The following SLIT1 variants were observed in gnomAD, a reference collection of about 807,000 sequenced individuals.
SLIT1 encodes slit homolog 1 protein.
A neutral mutation model predicts 186.1 loss-of-function variants in SLIT1; 66 were observed. The ratio of observed to expected loss-of-function variants is 0.35; its 90% CI spans 0.29 to 0.44. The LOEUF (loss-of-function observed/expected upper bound fraction) is 0.44. Ranked by LOEUF, SLIT1 falls within the 20% of genes least tolerant of loss-of-function variation. The pLI is 1.00. For synonymous variants in SLIT1, 761 were observed against 833.8 expected (o/e 0.91, Z 1.50); for missense variants, 1,638 against 2,037.4 (o/e 0.80, Z 3.77).
Position 97,002,354 on chromosome 10 carries a change from T to A in SLIT1, c.4170A>T (p.Gln1390His). 6.2e-7 allele frequency: 1 copy of A among 1,606,950 alleles called. No individual in the cohort carries two copies. Among genetic ancestry groups the A allele is most frequent in the Non-Finnish European group, 8.5e-7 (1 of 1,178,156 alleles). The change falls in exon 36 of 37, where the codon CAA (glutamine) becomes CAT (histidine). Residue 1390 changes from glutamine to histidine, a missense_variant. Gln to His is a conservative substitution (Grantham distance 24). Coordinates refer to ENST00000266058, the MANE Select transcript of SLIT1 (RefSeq NM_003061.3). ...PCHGHKCVHGQCVPLDALSYS... is the reference protein window; with the variant it reads ...PCHGHKCVHGHCVPLDALSYS... ...AGGAAAGAGCGTCGAGGGGCACGCA[T>A]TGCCCATGGACACACCTGGAGGAGA...
intron 4 of SLIT1, among the ~76,000 whole-genome samples, chr10:97,079,339 T>C (rs1320882000): frequency 6.6e-6 from 1 of 152,220 alleles, no homozygotes; most frequent in African/African-American, 2.4e-5. Context: ...GTTTTACTTT[T>C]TGATCTGGTG....
chr10:97,093,821 T>G (rs1373977893), intron 4 of SLIT1, among the ~76,000 whole-genome samples: 1 of 152,216 alleles, frequency 6.6e-6, no homozygotes, highest in Non-Finnish European at 1.5e-5. Flanking sequence ...AAACACCGTC[T>G]TGCTAAGGCA....
At chr10:97,078,294 C>T (rs1293919957) in intron 4 of SLIT1, among the ~76,000 whole-genome samples, 3 of 152,222 alleles carry the variant, frequency 2.0e-5, no homozygotes, top group East Asian at 1.9e-4. Flanking sequence ...GTCCCATCAG[C>T]TGGAGAGGTG....
intron 12 of SLIT1, among the ~76,000 whole-genome samples, 177 bp downstream of exon 12, chr10:97,057,033 C>G (rs559186128): frequency 2.0e-4 from 31 of 152,356 alleles, no homozygotes; most frequent in South Asian, 6.2e-4. Context: ...ACCTCCTTCT[C>G]TAGCCTCTGC....
chr10:97,002,283 T>G lies in SLIT1; in HGVS notation c.4241A>C (p.Gln1414Pro), dbSNP rs1475858440. 6.2e-7 allele frequency: 1 copy of G among 1,610,142 alleles called. No homozygotes were observed. The highest frequency in any genetic ancestry group is 8.5e-7 in the Non-Finnish European group (1 of 1,178,972). The change falls in exon 36 of 37, where the codon CAG becomes CCG. Residue 1414 changes from glutamine to proline, a missense_variant. Coordinates refer to ENST00000266058, the MANE Select transcript of SLIT1 (RefSeq NM_003061.3). ...QDGYSGALCN[Q>P]AGALAEPCRG... Reference sequence around the variant, plus strand: ...GCAGGGCTCTGCCAGGGCCCCGGCCTGGTTGCACAGTGCCCCCGAGTACCC... The same window carrying G: ...GCAGGGCTCTGCCAGGGCCCCGGCCGGGTTGCACAGTGCCCCCGAGTACCC...
Position 97,088,748 on chromosome 10 carries a change from G to C in SLIT1, c.414-22662C>G, listed in dbSNP as rs1254316015. Reference sequence around the variant, plus strand: ...AAAGAAAGGGGAGTGAGTGAGGGGAGCACCTTCAGAAGCCAGGAACCAGGG... The same window carrying C: ...AAAGAAAGGGGAGTGAGTGAGGGGACCACCTTCAGAAGCCAGGAACCAGGG... On this transcript the variant is annotated intron_variant, in intron 4 of 36. Transcript: ENST00000266058. Among the ~76,000 whole-genome samples, 5 of 152,200 alleles carry C rather than the reference G, an allele frequency of 3.3e-5. No individual in the cohort carries two copies. In the East Asian group the frequency reaches 9.6e-4, roughly 29 times the overall value.
intron 4 of SLIT1, among the ~76,000 whole-genome samples, chr10:97,069,673 A>G (rs1439286599): frequency 6.6e-6 from 1 of 152,202 alleles, no homozygotes; most frequent in Non-Finnish European, 1.5e-5. Flanking sequence ...CAGCGGTAAC[A>G]GCATGTGCAG....
At chr10:97,160,723 T>C (rs532638383) in intron 3 of SLIT1, among the ~76,000 whole-genome samples, 3 of 152,282 alleles carry the variant, frequency 2.0e-5, no homozygotes, top group African/African-American at 7.2e-5. Context: ...GTTATTGTTG[T>C]TGTTTTGCTG....
chr10:97,002,674 G>T (rs1355964889), intron 35 of SLIT1, 30 bp downstream of exon 35: 3 of 1,529,052 alleles, frequency 2.0e-6, no homozygotes, highest in Non-Finnish European at 2.6e-6. Flanking sequence ...GTAGGCAGGG[G>T]CAAGGGCTCC....
intron 20 of SLIT1, among the ~76,000 whole-genome samples, chr10:97,041,723 G>A (rs567645288): frequency 3.3e-5 from 5 of 152,160 alleles, no homozygotes; most frequent in Middle Eastern, 3.4e-3. Flanking sequence ...TGCCCGCCTC[G>A]GCCTCCCAAA....
At chr10:97,061,227 G>A (rs952554315) in intron 8 of SLIT1, among the ~76,000 whole-genome samples, 4 of 152,208 alleles carry the variant, frequency 2.6e-5, no homozygotes, top group African/African-American at 9.7e-5. Context: ...AGCCTAAGAG[G>A]AGCCTATTAT....
chr10:97,076,995 G>A (rs1328335958), intron 4 of SLIT1, among the ~76,000 whole-genome samples: 1 of 152,150 alleles, frequency 6.6e-6, no homozygotes. Flanking sequence ...ACCGGGGGCC[G>A]TGGCTCACAC....
rs755125941 is a variant in SLIT1 at position 97,004,947 on chromosome 10, C to G, written c.3580-124G>C. 1.7e-6 allele frequency: 2 copies of G among 1,181,430 alleles called. No homozygotes were observed. Among genetic ancestry groups the G allele is most frequent in the South Asian group, 1.5e-5 (1 of 68,922 alleles). The allele number at this position is 1,181,430 out of a possible 1,614,324, so 73.2% of individuals were successfully genotyped here. ...TGCTCTGTGCAGAGCGCTCTTCCCCCACCTGGCCAGCCTCCCCAAGGCCAT... is the reference window on the plus strand; with the variant it reads ...TGCTCTGTGCAGAGCGCTCTTCCCCGACCTGGCCAGCCTCCCCAAGGCCAT... On this transcript the variant is annotated intron_variant, in intron 32 of 36. Transcript: ENST00000266058. This position sits in a 1 kb window ranked among gnomAD's most constrained non-coding sequence, Gnocchi z 5.1.
intron 4 of SLIT1, 101 bp downstream of exon 4, chr10:97,157,717 G>T: frequency 1.1e-6 from 1 of 873,434 alleles, no homozygotes. Context: ...CAGGGTCAGG[G>T]TCATGGGAAT....
chr10:97,119,941 A>ATATATATATATATATATG (rs1179888328), intron 4 of SLIT1, among the ~76,000 whole-genome samples: 24 of 137,222 alleles, frequency 1.7e-4, no homozygotes, highest in Non-Finnish European at 3.0e-4. Flanking sequence ...ATATATATAT[A>ATATATATATATATATATG]TATATGTATA....
intron 4 of SLIT1, among the ~76,000 whole-genome samples, chr10:97,088,968 C>G (rs1324338477): frequency 1.3e-5 from 2 of 152,130 alleles, no homozygotes; most frequent in Non-Finnish European, 2.9e-5. Context: ...TGAGCAGTGG[C>G]CAAACAGAAG....
At chr10:97,093,914 C>T (rs1849259448) in intron 4 of SLIT1, among the ~76,000 whole-genome samples, 1 of 152,244 alleles carries the variant, frequency 6.6e-6, no homozygotes. Context: ...GCCTCCCTCA[C>T]AGCCACACTT....
Position 97,014,159 on chromosome 10 carries a change from C to G in SLIT1, c.2970-1G>C, listed in dbSNP as rs1373221317. The G allele has an allele frequency of 6.2e-7, 1 of 1,613,298 alleles. No homozygotes were observed. ...TTCAAAGCCGGTGGGACAGGAGCAC[C>G]TGTGCGGGGAAGGGGAGGATGGAGA... is the stretch of plus-strand genomic sequence containing the variant. On this transcript the variant is annotated splice_acceptor_variant, in intron 28 of 36. Transcript: ENST00000266058. LOFTEE classifies it high-confidence loss of function.
chr10:97,108,845 G>A (rs1394593306), intron 4 of SLIT1, among the ~76,000 whole-genome samples: 8 of 133,636 alleles, frequency 6.0e-5, no homozygotes, highest in Admixed American at 3.5e-4. Flanking sequence ...CTAAGATCGC[G>A]CCACTGCGCT....
Sources: allele counts gnomAD v4.1 joint callset (sites outside exome capture counted in the v4.1 genomes callset), GRCh38; gene constraint gnomAD v4.1.1; non-coding constraint Gnocchi (gnomAD v3.1); transcripts MANE v1.5; gene names NCBI Gene and HGNC (gene_info 2026-07-23, HGNC 2026-07-21).